The following ARHGAP20 variants were observed in gnomAD, a reference collection of about 807,000 sequenced individuals.
The protein encoded by ARHGAP20 is rho GTPase-activating protein 20.
In ARHGAP20, 34 loss-of-function variants were observed where a neutral mutation model predicts 73.7. The observed-to-expected ratio is 0.46, with a 90% CI of 0.35 to 0.61. The LOEUF (loss-of-function observed/expected upper bound fraction) is 0.61, where lower values mean the gene tolerates loss of function less well. ARHGAP20 is among the 20% of genes least tolerant of loss of function. The pLI is 0.00. For synonymous variants in ARHGAP20, 523 were observed against 518.2 expected (o/e 1.01, Z -0.13); for missense variants, 1,314 against 1,420.9 (o/e 0.92, Z 1.21).
chr11:110,636,521 A>T (rs577355342), intron 2 of ARHGAP20, among the ~76,000 whole-genome samples: 2 of 152,248 alleles, frequency 1.3e-5, no homozygotes, highest in Non-Finnish European at 2.9e-5. Context: ...ACTTTCAAAT[A>T]AGTGGACTGG....
intron 2 of ARHGAP20, among the ~76,000 whole-genome samples, chr11:110,683,507 T>C (rs1950074767): frequency 6.6e-6 from 1 of 152,182 alleles, no homozygotes; most frequent in Non-Finnish European, 1.5e-5. Context: ...ATTTATTCAC[T>C]AATTCATCCA....
At chr11:110,604,052 A>T (rs1053326411) in intron 9 of ARHGAP20, among the ~76,000 whole-genome samples, 2 of 152,134 alleles carry the variant, frequency 1.3e-5, no homozygotes, top group African/African-American at 4.8e-5. Context: ...GAATTCTATC[A>T]ATAAAATTGG....
chr11:110,627,398 CTTTAT>C (rs1025883598), intron 3 of ARHGAP20, among the ~76,000 whole-genome samples: 2 of 151,982 alleles, frequency 1.3e-5, no homozygotes, highest in African/African-American at 4.8e-5. Context: ...TGGCCAAATT[CTTTAT>C]TTTGACAACG....
chr11:110,589,692 G>C (rs551059273), intron 11 of ARHGAP20: 1 of 985,268 alleles, frequency 1.0e-6, no homozygotes, highest in Non-Finnish European at 1.2e-6. Context: ...AAACATTTTA[G>C]AACTCTCTAT....
chr11:110,624,534 G>C (rs1286404165), intron 3 of ARHGAP20, among the ~76,000 whole-genome samples: 3 of 151,936 alleles, frequency 2.0e-5, no homozygotes, highest in Non-Finnish European at 2.9e-5. Flanking sequence ...GATAAGGGGA[G>C]GGAACTTAGA....
intron 2 of ARHGAP20, among the ~76,000 whole-genome samples, chr11:110,634,364 A>C (rs1248727381): frequency 6.6e-6 from 1 of 152,162 alleles, no homozygotes; most frequent in East Asian, 1.9e-4. Flanking sequence ...GTAAGCGAGA[A>C]ACAATCAGCC....
At chr11:110,591,888 T>C in intron 10 of ARHGAP20, 89 bp downstream of exon 10, 1 of 1,377,132 alleles carries the variant, frequency 7.3e-7, no homozygotes, top group Non-Finnish European at 1.0e-6. Flanking sequence ...GTGTCTATAA[T>C]TTTTCCATTT....
chr11:110,586,206 GAAT>G lies in ARHGAP20; in HGVS notation c.1415+7_1415+9del. 3.0e-6 allele frequency: 4 copies of G among 1,346,910 alleles called. No individual in the cohort carries two copies. The highest frequency in any genetic ancestry group is 4.0e-6 in the Non-Finnish European group (4 of 1,012,420). The allele number at this position is 1,346,910 out of a possible 1,614,324, so 83.4% of individuals were successfully genotyped here. On this transcript the variant is annotated splice_region_variant and intron_variant, in intron 12 of 14. Transcript: ENST00000683387. ...GTATTTTTGAGACATGACCAAATTAGAATAATTACCTTTGAACAGTATTTATTT... is the reference window on the plus strand; with the variant it reads ...GTATTTTTGAGACATGACCAAATTAGAATTACCTTTGAACAGTATTTATTT...
At chr11:110,711,240 C>T (rs183356233) in intron 1 of ARHGAP20, among the ~76,000 whole-genome samples, 29 of 152,254 alleles carry the variant, frequency 1.9e-4, no homozygotes, top group African/African-American at 6.5e-4. Context: ...GAATGGAACG[C>T]TACAAGTTGT....
At chr11:110,670,908 A>T (rs1202833062) in intron 2 of ARHGAP20, among the ~76,000 whole-genome samples, 1 of 152,058 alleles carries the variant, frequency 6.6e-6, no homozygotes, top group Non-Finnish European at 1.5e-5. Context: ...AAAAACTCAC[A>T]GTTTAGAAAA....
intron 2 of ARHGAP20, among the ~76,000 whole-genome samples, chr11:110,676,318 T>C (rs1949927756): frequency 6.6e-6 from 1 of 152,194 alleles, no homozygotes; most frequent in Non-Finnish European, 1.5e-5. Flanking sequence ...AAGACATACC[T>C]GAGACTAGGT....
In ARHGAP20 at chr11:110,609,024, C is replaced by G. The variant is rs1030424729; in HGVS notation, c.735G>C (p.Trp245Cys). 1 of 1,613,438 alleles carries G rather than the reference C, an allele frequency of 6.2e-7. No individual in the cohort carries two copies. Among genetic ancestry groups the G allele is most frequent in the African/African-American group, 1.3e-5 (1 of 74,956 alleles). ...ITGSERDYQL[W>C]VNSGKEEAPY... is the part of the protein sequence containing the mutation. ...GAGCCTCTTCTTTGCCAGAATTGAC[C>G]CACAACTGGTAATCTCTCTCAGAGC... The change falls in exon 8 of 15, where the codon TGG becomes TGC. Residue 245 changes from tryptophan to cysteine, a missense_variant. Trp to Cys is a radical substitution (Grantham distance 215, BLOSUM62 -2). Around this residue, in one of 3 missense-constraint regions of ARHGAP20, gnomAD observed 443 missense variants for 466.4 expected, o/e 0.95. Coordinates refer to ENST00000683387, the MANE Select transcript of ARHGAP20 (RefSeq NM_001384657.1).
intron 3 of ARHGAP20, among the ~76,000 whole-genome samples, chr11:110,627,008 C>T (rs1252203933): frequency 3.3e-5 from 5 of 151,958 alleles, no homozygotes; most frequent in Non-Finnish European, 5.9e-5. Context: ...AATAGCATGA[C>T]GACTATCTCC....
chr11:110,647,581 T>C (rs1003955258), intron 2 of ARHGAP20, among the ~76,000 whole-genome samples: 3 of 152,148 alleles, frequency 2.0e-5, no homozygotes, highest in Non-Finnish European at 2.9e-5. Flanking sequence ...GTTAACAACA[T>C]ATTTTCATAA....
intron 4 of ARHGAP20, among the ~76,000 whole-genome samples, chr11:110,617,598 A>G (rs1462738355): frequency 6.6e-6 from 1 of 152,160 alleles, no homozygotes; most frequent in African/African-American, 2.4e-5. Context: ...TTGTTTGAAT[A>G]AACAGCATAT....
At chr11:110,651,932 C>T (rs989763291) in intron 2 of ARHGAP20, among the ~76,000 whole-genome samples, 13 of 151,750 alleles carry the variant, frequency 8.6e-5, no homozygotes, top group Admixed American at 7.9e-4. Flanking sequence ...AGAGATACAA[C>T]AAAAAAAGAA....
At chr11:110,625,021 T>C (rs1419291541) in intron 3 of ARHGAP20, among the ~76,000 whole-genome samples, 1 of 87,602 alleles carries the variant, frequency 1.1e-5, no homozygotes, top group Non-Finnish European at 2.2e-5. Context: ...TTTTTTTTTA[T>C]TTTTATTTTT....
chr11:110,580,776 T>C lies in ARHGAP20; in HGVS notation c.2170A>G (p.Lys724Glu). 6.2e-7 allele frequency: 1 copy of C among 1,614,174 alleles called. No individual in the cohort carries two copies. Among genetic ancestry groups the C allele is most frequent in the Non-Finnish European group, 8.5e-7 (1 of 1,180,016 alleles). Reference sequence around the variant, plus strand: ...TCACAGCTGGACTTGCGTAGCTTTTTCTGATAAAACTCCCTGAGGTAGGAA... The same window carrying C: ...TCACAGCTGGACTTGCGTAGCTTTTCCTGATAAAACTCCCTGAGGTAGGAA... The part of the protein sequence containing the change: ...KLSYLREFYQ[K>E]KLRKSSCDAI... Residue 724 changes from lysine to glutamate, a missense_variant, in exon 15 of 15, where the codon AAA becomes GAA. By Grantham distance (56) the Lys-to-Glu change is moderately conservative. Coordinates refer to ENST00000683387, the MANE Select transcript of ARHGAP20 (RefSeq NM_001384657.1).
chr11:110,588,509 C>T (rs1453328540), intron 11 of ARHGAP20, among the ~76,000 whole-genome samples: 3 of 152,136 alleles, frequency 2.0e-5, no homozygotes, highest in Non-Finnish European at 4.4e-5. Flanking sequence ...AGAACTTTTG[C>T]TAAAAATTAT....
Sources: gnomAD v4.1 joint callset for allele counts (sites outside exome capture counted in the v4.1 genomes callset) on GRCh38, gnomAD v4.1.1 for gene constraint, gnomAD v4.1.1 regional missense constraint, MANE v1.5 for transcripts, NCBI Gene and HGNC (gene_info 2026-07-23, HGNC 2026-07-21) for gene names.